Variants in PHF2 observed in about 807,000 individuals in gnomAD.
The protein encoded by PHF2 is PHD finger protein 2.
In PHF2, 27 loss-of-function variants were observed where a neutral mutation model predicts 120.5. The ratio of observed to expected loss-of-function variants is 0.22; its 90% confidence interval spans 0.17 to 0.31. The LOEUF (loss-of-function observed/expected upper bound fraction) is 0.31. Among genes scored for constraint, PHF2 ranks in the 10% least tolerant of loss-of-function variants. PHF2 has a pLI of 1.00. For missense variants in PHF2, 1,024 were observed against 1,434.8 expected (o/e 0.71, Z 4.63); for synonymous variants, 568 against 592.5 (o/e 0.96, Z 0.60).
At chr9:93,589,541 A>G (rs1042482796) in intron 1 of PHF2, among the ~76,000 whole-genome samples, 5 of 152,224 alleles carry the variant, frequency 3.3e-5, no homozygotes, top group African/African-American at 1.2e-4. Flanking sequence ...AGGGCAAGAA[A>G]TGACTAACCT....
At chr9:93,604,910 C>T (rs1825511744) in intron 1 of PHF2, among the ~76,000 whole-genome samples, 1 of 152,170 alleles carries the variant, frequency 6.6e-6, no homozygotes, top group African/African-American at 2.4e-5. Flanking sequence ...AGCATTCCCA[C>T]CCATGACCAC....
intron 1 of PHF2, among the ~76,000 whole-genome samples, chr9:93,593,296 A>G (rs952670451): frequency 6.6e-6 from 1 of 152,054 alleles, no homozygotes; most frequent in Non-Finnish European, 1.5e-5. Context: ...CCTCCAGGGT[A>G]TGGTGGGGGC....
intron 1 of PHF2, among the ~76,000 whole-genome samples, chr9:93,602,927 G>T (rs1361641145): frequency 6.6e-6 from 1 of 152,136 alleles, no homozygotes; most frequent in Admixed American, 6.5e-5. Context: ...AGAGCCCGAG[G>T]CTGGGAGCCC....
rs562815950 is a variant in PHF2, at chr9:93,659,396, C to T, written c.1240-115C>T. ...GGCAGAGTTTGGCTCGGAAGCCCCT[C>T]GCCTCATGCTCATCTGAGTGGCTCG... On this transcript the variant is annotated intron_variant, in intron 10 of 21. Transcript: ENST00000359246. 36 of 792,958 alleles carry T rather than the reference C, an allele frequency of 4.5e-5. No homozygotes were observed. The Admixed American group carries it at 5.6e-4, about 12-fold the overall frequency. The allele number at this position is 792,958 out of a possible 1,614,324, so 49.1% of individuals were successfully genotyped here. A position where few individuals can be genotyped will look rare whatever the true frequency, so the allele number is the denominator to read the frequency against.
intron 12 of PHF2, among the ~76,000 whole-genome samples, chr9:93,661,230 C>A (rs763718403): frequency 6.6e-6 from 1 of 152,088 alleles, no homozygotes; most frequent in African/African-American, 2.4e-5. Context: ...ACCCCTGAAG[C>A]ACCATTGAGT....
intron 1 of PHF2, among the ~76,000 whole-genome samples, chr9:93,585,348 A>T (rs1470778446): frequency 6.6e-6 from 1 of 152,162 alleles, no homozygotes; most frequent in Non-Finnish European, 1.5e-5. Flanking sequence ...CCCAGGGGCT[A>T]TCTTTTTGGC....
At chr9:93,660,795 G>A (rs944782776) in intron 12 of PHF2, among the ~76,000 whole-genome samples, 3 of 152,204 alleles carry the variant, frequency 2.0e-5, no homozygotes, top group Non-Finnish European at 2.9e-5. Flanking sequence ...GAGTGGACAG[G>A]CTTTGCCCAA....
intron 1 of PHF2, among the ~76,000 whole-genome samples, chr9:93,616,521 G>A (rs1825731643): frequency 6.6e-6 from 1 of 152,198 alleles, no homozygotes; most frequent in South Asian, 2.1e-4. Context: ...ACTGAGCTCC[G>A]ACAGTGTGCC....
At chr9:93,637,764 C>T (rs1380872695) in intron 3 of PHF2, among the ~76,000 whole-genome samples, 1 of 152,138 alleles carries the variant, frequency 6.6e-6, no homozygotes, top group Admixed American at 6.5e-5. Context: ...CATTTTTATA[C>T]AAGTTTTTAT....
At chr9:93,604,252 G>A (rs1236150817) in intron 1 of PHF2, among the ~76,000 whole-genome samples, 8 of 152,032 alleles carry the variant, frequency 5.3e-5, no homozygotes, top group Admixed American at 4.6e-4. Flanking sequence ...GTTGGCTCTC[G>A]ACTCCTGGGT....
chr9:93,619,670 C>A (rs1487345417), intron 1 of PHF2, among the ~76,000 whole-genome samples: 1 of 152,168 alleles, frequency 6.6e-6, no homozygotes, highest in Non-Finnish European at 1.5e-5. Context: ...CTGGTGGCAC[C>A]CCGTGGCCCG....
At chr9:93,648,529 C>A (rs1232278669) in intron 4 of PHF2, among the ~76,000 whole-genome samples, 6 of 152,184 alleles carry the variant, frequency 3.9e-5, no homozygotes, top group African/African-American at 1.2e-4. Flanking sequence ...GCAATTCTGT[C>A]CTCCTCCCTC....
intron 17 of PHF2, chr9:93,672,559 T>C: frequency 1.0e-6 from 1 of 984,688 alleles, no homozygotes; most frequent in Non-Finnish European, 1.2e-6. Context: ...TAGGTGTAGA[T>C]GCAGGTATGG....
At chr9:93,586,736 T>A (rs1863052307) in intron 1 of PHF2, among the ~76,000 whole-genome samples, 1 of 152,256 alleles carries the variant, frequency 6.6e-6, no homozygotes, top group Non-Finnish European at 1.5e-5. Context: ...TCCCTCAGTC[T>A]GTCCATCTAG....
At chr9:93,663,199 C>A (rs1441682188) in intron 13 of PHF2, among the ~76,000 whole-genome samples, 173 bp downstream of exon 13, 1 of 152,064 alleles carries the variant, frequency 6.6e-6, no homozygotes, top group Non-Finnish European at 1.5e-5. Flanking sequence ...TGTGTGACCA[C>A]CCATGGACTA....
At position 93,674,911 on chromosome 9, in the gene PHF2, C is replaced by T; in HGVS notation, c.2627-16C>T. ...CTGCACTCAGCGGGCCACGCCTTCCCTCTGCCTCCCTCTAGTTTACCCCTC... is the reference window on the plus strand; with the variant it reads ...CTGCACTCAGCGGGCCACGCCTTCCTTCTGCCTCCCTCTAGTTTACCCCTC... On this transcript the variant is annotated splice_polypyrimidine_tract_variant and intron_variant, in intron 18 of 21. Transcript: ENST00000359246. 1.9e-6 allele frequency: 3 copies of T among 1,603,016 alleles called. No individual in the cohort carries two copies. The highest frequency in any genetic ancestry group is 1.1e-5 in the South Asian group (1 of 90,878).
At chr9:93,675,988 G>C (rs1047953396) in intron 20 of PHF2, among the ~76,000 whole-genome samples, 199 bp downstream of exon 20, 3 of 152,208 alleles carry the variant, frequency 2.0e-5, no homozygotes, top group Non-Finnish European at 2.9e-5. Flanking sequence ...GTCCGGGGGA[G>C]CTAGGAATTG....
chr9:93,645,325 C>T (rs776283968), intron 3 of PHF2, among the ~76,000 whole-genome samples: 77 of 152,220 alleles, frequency 5.1e-4, no homozygotes, highest in South Asian at 4.1e-4. Flanking sequence ...CAGGCCCAGG[C>T]GCCTCCTGCC....
intron 3 of PHF2, among the ~76,000 whole-genome samples, chr9:93,638,089 A>C (rs574736118): frequency 1.3e-5 from 2 of 151,672 alleles, no homozygotes; most frequent in South Asian, 4.2e-4. Flanking sequence ...CCTTGGAAAA[A>C]TGACTATTCA....
Sources: allele counts gnomAD v4.1 joint callset (sites outside exome capture counted in the v4.1 genomes callset), GRCh38; gene constraint gnomAD v4.1.1; transcripts MANE v1.5; gene names NCBI Gene and HGNC (gene_info 2026-07-23, HGNC 2026-07-21).